Variants in RBFOX1 observed in about 807,000 individuals in gnomAD.
RBFOX1 encodes RNA binding protein fox-1 homolog 1.
A neutral mutation model predicts 57.7 loss-of-function variants in RBFOX1; 8 were observed. The observed-to-expected ratio is 0.14, with a 90% confidence interval of 0.08 to 0.25. The LOEUF (loss-of-function observed/expected upper bound fraction) is 0.25. Ranked by LOEUF, RBFOX1 falls within the 10% of genes least tolerant of loss-of-function variation. The probability of loss-of-function intolerance (pLI) is 1.00; values close to 1 mark genes in which losing one functional copy is unlikely to be tolerated. For synonymous variants in RBFOX1, 326 were observed against 222.4 expected, an observed-to-expected ratio of 1.47 and a Z score of -4.15; for missense variants, 611 against 548.5, an observed-to-expected ratio of 1.11 and a Z score of -1.14.
intron 3 of RBFOX1, among the ~76,000 whole-genome samples, chr16:5,785,332 G>A (rs2054463380): frequency 6.6e-6 from 1 of 152,076 alleles, no homozygotes; most frequent in Non-Finnish European, 1.5e-5. Context: ...GGTGGAGCTG[G>A]CTCAAAACTA....
At chr16:6,706,362 C>G (rs1052621833) in intron 3 of RBFOX1, among the ~76,000 whole-genome samples, 1 of 152,166 alleles carries the variant, frequency 6.6e-6, no homozygotes, top group Non-Finnish European at 1.5e-5. Flanking sequence ...AACTGTTATG[C>G]AATGTAGCAG....
chr16:6,620,648 T>C (rs896318401), intron 2 of RBFOX1, among the ~76,000 whole-genome samples: 8 of 151,734 alleles, frequency 5.3e-5, no homozygotes, highest in African/African-American at 1.9e-4. Context: ...CAAGTAAACA[T>C]AATCAGAAAT....
At chr16:6,264,612 C>A (rs1378357492) in intron 1 of RBFOX1, among the ~76,000 whole-genome samples, 1 of 152,078 alleles carries the variant, frequency 6.6e-6, no homozygotes, top group Non-Finnish European at 1.5e-5. Context: ...TCTTCAGGAC[C>A]TTTTGCTCAT....
chr16:5,389,346 C>T (rs1348757555), intron 1 of RBFOX1, among the ~76,000 whole-genome samples: 1 of 152,144 alleles, frequency 6.6e-6, no homozygotes, highest in Non-Finnish European at 1.5e-5. Context: ...GCTCTATGGA[C>T]GTTTGGGGCT....
At chr16:5,773,454 G>A (rs1345695856) in intron 3 of RBFOX1, among the ~76,000 whole-genome samples, 1 of 152,094 alleles carries the variant, frequency 6.6e-6, no homozygotes, top group Non-Finnish European at 1.5e-5. Flanking sequence ...TGTTCAACAT[G>A]TTTCATATTC....
intron 4 of RBFOX1, among the ~76,000 whole-genome samples, chr16:7,117,862 A>T (rs958208272): frequency 6.6e-6 from 1 of 152,142 alleles, no homozygotes; most frequent in Admixed American, 6.6e-5. Context: ...GGCAGGATTC[A>T]TTTTGTTGTA....
chr16:7,028,077 G>A lies in RBFOX1; in HGVS notation c.-15-23980G>A, dbSNP rs185168252. Among the ~76,000 whole-genome samples, 23 of 152,170 alleles carry A rather than the reference G, an allele frequency of 1.5e-4. No homozygotes were observed. In the East Asian group the frequency reaches 4.5e-3, roughly 30 times the overall value. ...AAGTGTTCGCAGCCCTGAGAAACGT[G>A]GTTTCTCATTTGCCTGTTACTTGGC... On this transcript the variant is annotated intron_variant, in intron 3 of 15. Coordinates refer to ENST00000550418, the MANE Select transcript of RBFOX1 (RefSeq NM_018723.4).
chr16:7,513,088 G>A (rs568944081), intron 4 of RBFOX1, among the ~76,000 whole-genome samples: 56 of 151,510 alleles, frequency 3.7e-4, no homozygotes, highest in African/African-American at 1.3e-3. Flanking sequence ...ACAGTAAAAC[G>A]CCGTCTCTAC....
At chr16:6,408,115 A>C (rs1006781537) in intron 2 of RBFOX1, among the ~76,000 whole-genome samples, 2 of 152,102 alleles carry the variant, frequency 1.3e-5, no homozygotes, top group Non-Finnish European at 2.9e-5. Flanking sequence ...AAATCTGTCG[A>C]CACCTTGATC....
At chr16:5,307,701 G>A (rs2063974731) in intron 1 of RBFOX1, among the ~76,000 whole-genome samples, 1 of 152,078 alleles carries the variant, frequency 6.6e-6, no homozygotes, top group Admixed American at 6.6e-5. Flanking sequence ...TTAGAGACAC[G>A]GTCTCACTCT....
intron 4 of RBFOX1, among the ~76,000 whole-genome samples, chr16:5,929,148 C>T (rs2058996126): frequency 6.6e-6 from 1 of 151,810 alleles, no homozygotes; most frequent in Non-Finnish European, 1.5e-5. Flanking sequence ...GATCCAGGGG[C>T]AGTAGTCTTG....
intron 4 of RBFOX1, among the ~76,000 whole-genome samples, chr16:7,361,898 A>G (rs1415748919): frequency 7.2e-6 from 1 of 138,490 alleles, no homozygotes; most frequent in Non-Finnish European, 1.5e-5. Context: ...TAGTATGTGT[A>G]TTTTTTTGTG....
chr16:6,987,514 C>T (rs1474392094), intron 3 of RBFOX1, among the ~76,000 whole-genome samples: 4 of 149,420 alleles, frequency 2.7e-5, no homozygotes, highest in Admixed American at 1.3e-4. Context: ...CAGAGGCATG[C>T]CCCACACATT....
intron 4 of RBFOX1, among the ~76,000 whole-genome samples, chr16:7,516,558 A>G (rs1287816988): frequency 6.6e-6 from 1 of 152,190 alleles, no homozygotes; most frequent in Admixed American, 6.5e-5. Flanking sequence ...GCTCATGGAT[A>G]GCAACTCAGC....
chr16:6,604,666 G>A (rs1175178512), intron 2 of RBFOX1, among the ~76,000 whole-genome samples: 2 of 152,166 alleles, frequency 1.3e-5, no homozygotes, highest in South Asian at 2.1e-4. Context: ...CTACTTTTGT[G>A]CATATTGAAA....
At chr16:6,843,061 C>G (rs1397757961) in intron 3 of RBFOX1, among the ~76,000 whole-genome samples, 2 of 152,032 alleles carry the variant, frequency 1.3e-5, no homozygotes, top group East Asian at 1.9e-4. Flanking sequence ...GTTCTTTATC[C>G]TTGATGGGCA....
At chr16:5,324,898 A>T (rs1485834282) in intron 1 of RBFOX1, among the ~76,000 whole-genome samples, 1 of 152,056 alleles carries the variant, frequency 6.6e-6, no homozygotes, top group Non-Finnish European at 1.5e-5. Flanking sequence ...ACACTGCCAA[A>T]CCCATTTATC....
At chr16:6,983,932 C>T (rs916873482) in intron 3 of RBFOX1, among the ~76,000 whole-genome samples, 1 of 152,138 alleles carries the variant, frequency 6.6e-6, no homozygotes, top group East Asian at 1.9e-4. Flanking sequence ...AGAGCACAGT[C>T]TCTGCAGTTT....
intron 3 of RBFOX1, among the ~76,000 whole-genome samples, chr16:5,688,171 A>G (rs1401718435): frequency 6.6e-6 from 1 of 152,174 alleles, no homozygotes; most frequent in Non-Finnish European, 1.5e-5. Context: ...ACAGAAAAGG[A>G]GCTTGGAAGG....
Sources: gnomAD v4.1 joint callset for allele counts (sites outside exome capture counted in the v4.1 genomes callset) on GRCh38, gnomAD v4.1.1 for gene constraint, MANE v1.5 for transcripts, NCBI Gene and HGNC (gene_info 2026-07-23, HGNC 2026-07-21) for gene names.